Variants in ABCA4 observed in about 807,000 individuals in gnomAD.
The protein encoded by ABCA4 is ATP binding cassette subfamily A member 4, also known as retinal-specific phospholipid-transporting ATPase ABCA4.
A neutral mutation model predicts 263.7 loss-of-function variants in ABCA4; 196 were observed. That is an observed-to-expected ratio of 0.74 (90% confidence interval 0.66 to 0.84). ABCA4 has a LOEUF of 0.84. Ranked by LOEUF, ABCA4 falls within the 40% of genes least tolerant of loss-of-function variation. ABCA4 has a pLI of 0.00. For missense variants in ABCA4, 2,792 were observed against 2,855.1 expected (o/e 0.98, Z 0.50); for synonymous variants, 1,133 against 1,094.2 (o/e 1.04, Z -0.70).
At chr1:93,993,484 A>T (rs1658923145) in intron 49 of ABCA4, among the ~76,000 whole-genome samples, 1 of 151,984 alleles carries the variant, frequency 6.6e-6, no homozygotes, top group African/African-American at 2.4e-5. Context: ...CACATACGAG[A>T]TGTGTGCATA....
At chr1:94,095,801 A>G (rs1557802211) in intron 6 of ABCA4, among the ~76,000 whole-genome samples, 1 of 149,184 alleles carries the variant, frequency 6.7e-6, no homozygotes, top group Non-Finnish European at 1.5e-5. Context: ...CATTTGTCAA[A>G]TGGAAAAGTA....
chr1:94,048,881 T>C lies in ABCA4; in HGVS notation c.2730A>G (p.Pro910=), dbSNP rs781532603. Residue 910 remains proline, a synonymous_variant, in exon 18 of 50, where the codon CCA becomes CCG. Transcript: ENST00000370225. ...TCGGGGTTTTACCGTGTATTCCTTCTGGGTGCTCTGGATCCTCCGTTTCCT... is the reference window on the plus strand; with the variant it reads ...TCGGGGTTTTACCGTGTATTCCTTCCGGGTGCTCTGGATCCTCCGTTTCCT... ...LTEETEDPEH[P]EGIHDSFFER... 3.1e-6 allele frequency: 5 copies of C among 1,614,072 alleles called. No individual in the cohort carries two copies. Among genetic ancestry groups the C allele is most frequent in the South Asian group, 2.2e-5 (2 of 91,086 alleles).
Position 94,029,579 on chromosome 1 carries a change from T to A in ABCA4, c.4405A>T (p.Asn1469Tyr). Reference protein sequence around the residue: ...TPWKTPSVSPNITQLFQKQKW... With the variant: ...TPWKTPSVSPYITQLFQKQKW... ...TGCTTCTGGAACAGCTGGGTGATGT[T>A]TGGGGACACAGAAGGAGTCTTCCAG... The change falls in exon 30 of 50, where the codon AAC (asparagine) becomes TAC (tyrosine). Residue 1469 changes from asparagine to tyrosine, a missense_variant. Transcript: ENST00000370225. 1 of 1,614,024 alleles carries A rather than the reference T, an allele frequency of 6.2e-7. No homozygotes were observed.
intron 20 of ABCA4, among the ~76,000 whole-genome samples, chr1:94,044,360 C>G (rs1660611145): frequency 6.6e-6 from 1 of 152,196 alleles, no homozygotes; most frequent in Admixed American, 6.5e-5. Flanking sequence ...GCTGCTCTGT[C>G]AGAGCGAAGG....
chr1:94,069,272 A>C (rs903288713), intron 11 of ABCA4, among the ~76,000 whole-genome samples: 1 of 152,262 alleles, frequency 6.6e-6, no homozygotes, highest in Non-Finnish European at 1.5e-5. Context: ...TAACAGATAC[A>C]TTAAATTATC....
rs568413080 is a variant in ABCA4 at position 94,011,435 on chromosome 1, C to G, written c.5461-50G>C. On this transcript the variant is annotated intron_variant, in intron 38 of 49. Coordinates refer to ENST00000370225, the MANE Select transcript of ABCA4 (RefSeq NM_000350.3). Reference sequence around the variant, plus strand: ...GGAAACGGGGCAAACCCCACCCCCCCTCTCTTCAGCAGGTGGGGCCCAGAT... The same window carrying G: ...GGAAACGGGGCAAACCCCACCCCCCGTCTCTTCAGCAGGTGGGGCCCAGAT... The G allele has an allele frequency of 1.9e-5, 30 of 1,610,546 alleles. No homozygotes were observed. The South Asian group carries it at 2.8e-4, about 15-fold the overall frequency.
At chr1:94,090,262 A>G (rs1661935747) in intron 6 of ABCA4, among the ~76,000 whole-genome samples, 1 of 152,238 alleles carries the variant, frequency 6.6e-6, no homozygotes, top group Non-Finnish European at 1.5e-5. Context: ...AACTAAATTT[A>G]ACAATGAAGT....
At chr1:94,084,086 G>A (rs1286828667) in intron 6 of ABCA4, among the ~76,000 whole-genome samples, 1 of 152,218 alleles carries the variant, frequency 6.6e-6, no homozygotes. Flanking sequence ...CACCTCGGCA[G>A]GGGATGTGGA....
At position 94,001,912 on chromosome 1, in the gene ABCA4, C is replaced by T. The variant is rs557164629; in HGVS notation, c.6228G>A (p.Lys2076=). 1.2e-6 allele frequency: 2 copies of T among 1,614,238 alleles called. No individual in the cohort carries two copies. The highest frequency in any genetic ancestry group is 1.7e-6 in the Non-Finnish European group (2 of 1,180,040). The change falls in exon 45 of 50, where the codon AAG becomes AAA. Residue 2076 remains lysine, a synonymous_variant. Coordinates refer to ENST00000370225, the MANE Select transcript of ABCA4 (RefSeq NM_000350.3). The stretch of plus-strand genomic sequence containing the variant: ...GTGCGATGGCTGTGGAGAGTTTCCG[C>T]TTGTTGCCCCCACTGTACGTGCCAG... The part of the protein sequence containing the change: ...CLAGTYSGGN[K]RKLSTAIALI...
At chr1:94,080,356 C>T in intron 8 of ABCA4, 122 bp downstream of exon 8, 2 of 1,394,780 alleles carry the variant, frequency 1.4e-6, no homozygotes, top group South Asian at 1.2e-5. Flanking sequence ...AGTCTCTTTA[C>T]CTAAGGCCAC....
intron 6 of ABCA4, among the ~76,000 whole-genome samples, chr1:94,086,027 T>C: frequency 6.6e-6 from 1 of 152,238 alleles, no homozygotes; most frequent in East Asian, 1.9e-4. Context: ...GTAATTATTC[T>C]GGTGTTTACT....
chr1:94,111,789 T>A (rs1052406521), intron 2 of ABCA4, among the ~76,000 whole-genome samples: 1 of 151,888 alleles, frequency 6.6e-6, no homozygotes, highest in Non-Finnish European at 1.5e-5. Context: ...CCCGGTGTAG[T>A]GGGGAGACAG....
At chr1:94,108,882 C>G (rs1662515970) in intron 3 of ABCA4, among the ~76,000 whole-genome samples, 166 bp from the exon 4 acceptor site, 1 of 152,086 alleles carries the variant, frequency 6.6e-6, no homozygotes, top group South Asian at 2.1e-4. Flanking sequence ...ACGCTATTCT[C>G]CTGCCTCAGC....
At chr1:94,091,420 G>T (rs1469934240) in intron 6 of ABCA4, among the ~76,000 whole-genome samples, 2 of 152,016 alleles carry the variant, frequency 1.3e-5, no homozygotes, top group Admixed American at 6.6e-5. Flanking sequence ...CTTTCCCAGG[G>T]CTCTCCTCTT....
chr1:94,065,268 C>A (rs1391503252), intron 11 of ABCA4, among the ~76,000 whole-genome samples: 3 of 152,172 alleles, frequency 2.0e-5, no homozygotes, highest in Non-Finnish European at 2.9e-5. Flanking sequence ...TACTACTTAT[C>A]CTCACTTGGC....
At chr1:94,101,378 C>T (rs1406190070) in intron 5 of ABCA4, among the ~76,000 whole-genome samples, 2 of 152,334 alleles carry the variant, frequency 1.3e-5, no homozygotes, top group East Asian at 3.9e-4. Context: ...TGGCCGGAGC[C>T]GCACCACCCA....
intron 30 of ABCA4, 60 bp downstream of exon 30, chr1:94,029,385 A>T: frequency 2.9e-6 from 4 of 1,397,814 alleles, no homozygotes; most frequent in Non-Finnish European, 3.8e-6. Context: ...GATACCAGGG[A>T]CTCCCCTAGT....
At chr1:94,088,995 G>T (rs1480706032) in intron 6 of ABCA4, among the ~76,000 whole-genome samples, 3 of 152,182 alleles carry the variant, frequency 2.0e-5, no homozygotes, top group African/African-American at 7.2e-5. Context: ...GTGGGTGGGA[G>T]ATTGCCCATG....
rs1570405682 is a variant in ABCA4, at chr1:94,077,940, T to C, written c.1357-53A>G. ...TCTGCTTAGAAATTCCATAGGATCT[T>C]TGGTCTTGTTCTTCAGCCATTTCTA... On this transcript the variant is annotated intron_variant, in intron 10 of 49. Transcript: ENST00000370225. 3.2e-6 allele frequency: 5 copies of C among 1,550,286 alleles called. No individual in the cohort carries two copies. The East Asian group carries it at 1.1e-4, about 35-fold the overall frequency.
Sources: gnomAD v4.1 joint callset for allele counts (sites outside exome capture counted in the v4.1 genomes callset) on GRCh38, gnomAD v4.1.1 for gene constraint, MANE v1.5 for transcripts, NCBI Gene and HGNC (gene_info 2026-07-23, HGNC 2026-07-21) for gene names.